Variants in COL4A5 observed in about 807,000 individuals in gnomAD.
COL4A5 encodes the protein collagen type IV alpha 5 chain.
A neutral mutation model predicts 130.2 loss-of-function variants in COL4A5; 26 were observed. The ratio of observed to expected loss-of-function variants is 0.20; its 90% CI spans 0.15 to 0.28. COL4A5 has a LOEUF of 0.28. Ranked by LOEUF, COL4A5 falls within the 10% of genes least tolerant of loss-of-function variation. The probability of loss-of-function intolerance (pLI) is 1.00; values close to 1 mark genes in which losing one functional copy is unlikely to be tolerated. For synonymous variants in COL4A5, 496 were observed against 439.6 expected (o/e 1.13, Z -1.60); for missense variants, 1,131 against 1,344.3 (o/e 0.84, Z 2.48).
chrX:108,582,714 T>C (rs1274446352), intron 16 of COL4A5, 170 bp from the exon 17 acceptor site: 17 of 291,994 alleles, frequency 5.8e-5, no homozygotes, highest in Middle Eastern at 1.6e-3. Context: ...TTTTTTTTTT[T>C]CTGAGAAAAC....
chrX:108,673,769 T>C (rs2068251041), intron 42 of COL4A5, among the ~76,000 whole-genome samples: 1 of 108,699 alleles, frequency 9.2e-6, no homozygotes, highest in South Asian at 4.0e-4. Flanking sequence ...AGGCCAGGCA[T>C]GGTGGCTCAC....
chrX:108,598,645 A>G, intron 24 of COL4A5, 57 bp from the exon 25 acceptor site: 1 of 1,076,974 alleles, frequency 9.3e-7, no homozygotes, highest in Non-Finnish European at 1.3e-6. Flanking sequence ...ATTCAGTACC[A>G]ACCTACAGAT....
chrX:108,554,658 T>G (rs1396555946), intron 2 of COL4A5, among the ~76,000 whole-genome samples: 2 of 111,299 alleles, frequency 1.8e-5, no homozygotes, highest in Non-Finnish European at 3.8e-5. Context: ...CCCAGGAGTT[T>G]GATATCAACC....
chrX:108,534,261 A>G (rs1453172278), intron 1 of COL4A5, among the ~76,000 whole-genome samples: 1 of 111,899 alleles, frequency 8.9e-6, no homozygotes, highest in Non-Finnish European at 1.9e-5. Context: ...AAAGAAATCA[A>G]TATATCAAAG....
intron 7 of COL4A5, 21 bp from the exon 8 acceptor site, chrX:108,571,790 C>T: frequency 8.9e-7 from 1 of 1,127,326 alleles, no homozygotes. Context: ...ATAAAATAAT[C>T]CCTTTTCTTT....
chrX:108,683,324 G>A (rs925252281), intron 47 of COL4A5, among the ~76,000 whole-genome samples: 6 of 111,594 alleles, frequency 5.4e-5, no homozygotes, highest in Non-Finnish European at 7.5e-5. Context: ...GTCAGGTAGC[G>A]TGATGCCTCC....
At chrX:108,677,403 C>A in intron 43 of COL4A5, 97 bp from the exon 44 acceptor site, 2 of 870,445 alleles carry the variant, frequency 2.3e-6, no homozygotes, top group Non-Finnish European at 1.6e-6. Context: ...TTTTATTCTG[C>A]AAACTAATAG....
intron 36 of COL4A5, among the ~76,000 whole-genome samples, chrX:108,645,509 CT>C (rs1206626831): frequency 2.8e-3 from 279 of 100,643 alleles, no homozygotes; most frequent in Middle Eastern, 5.0e-3. Context: ...ACCCTCCCAT[CT>C]TTTTTTTTTT....
chrX:108,583,720 A>AT (rs762243568), intron 17 of COL4A5, among the ~76,000 whole-genome samples: 1 of 111,515 alleles, frequency 9.0e-6, no homozygotes, highest in African/African-American at 3.2e-5. Context: ...CGATAAAATG[A>AT]TTTTTTGTCA....
chrX:108,661,213 T>C (rs2067952585), intron 37 of COL4A5, among the ~76,000 whole-genome samples: 1 of 112,047 alleles, frequency 8.9e-6, no homozygotes, highest in Non-Finnish European at 1.9e-5. Context: ...CACATAACTG[T>C]ATTTCTTCTG....
In COL4A5 at chrX:108,440,180, C is replaced by A; in HGVS notation, c.55C>A (p.Leu19Ile). 1 of 1,206,828 alleles carries A rather than the reference C, an allele frequency of 8.3e-7. No individual in the cohort carries two copies. Among genetic ancestry groups the A allele is most frequent in the Non-Finnish European group, 1.1e-6 (1 of 892,563 alleles). The change falls in exon 1 of 53, where the codon CTT (leucine) becomes ATT (isoleucine). Residue 19 changes from leucine (L) to isoleucine (I), a missense_variant. Leu to Ile is a conservative substitution (Grantham distance 5). Coordinates refer to ENST00000328300, the MANE Select transcript of COL4A5 (RefSeq NM_033380.3). ...AAGLFLLALS[L>I]WGQPAEAAAC... ...CGGCTTGTTCTTACTGGCCCTGAGT[C>A]TTTGGGGGCAGCCTGCAGAGGCTGC...
intron 1 of COL4A5, among the ~76,000 whole-genome samples, chrX:108,468,494 C>T (rs1249079554): frequency 1.1e-4 from 11 of 101,700 alleles, no homozygotes; most frequent in African/African-American, 3.2e-4. Flanking sequence ...GTGGGTTTTT[C>T]GTAAGTGTTT....
At chrX:108,540,536 C>T (rs1481283077) in intron 2 of COL4A5, among the ~76,000 whole-genome samples, 4 of 111,307 alleles carry the variant, frequency 3.6e-5, no homozygotes, top group Admixed American at 1.9e-4. Context: ...CTGCAACCTC[C>T]GCCTCCTGGG....
intron 1 of COL4A5, among the ~76,000 whole-genome samples, chrX:108,456,959 A>T (rs2064590643): frequency 1.8e-5 from 2 of 111,431 alleles, no homozygotes; most frequent in South Asian, 7.6e-4. Flanking sequence ...ATTTTTCCCC[A>T]TGGTAGATTG....
chrX:108,595,623 C>T (rs760529750), intron 22 of COL4A5, 22 bp downstream of exon 22: 1 of 1,172,905 alleles, frequency 8.5e-7, no homozygotes, highest in African/African-American at 1.8e-5. Context: ...CTCAGGGTAA[C>T]CTTCTAAATA....
chrX:108,638,578 G>T (rs1338719872), intron 36 of COL4A5, among the ~76,000 whole-genome samples: 1 of 111,320 alleles, frequency 9.0e-6, no homozygotes, highest in Non-Finnish European at 1.9e-5. Context: ...GACCAATTAG[G>T]CAAGAAAAAG....
At chrX:108,561,887 G>T (rs2147729537) in intron 3 of COL4A5, among the ~76,000 whole-genome samples, 1 of 111,877 alleles carries the variant, frequency 8.9e-6, no homozygotes, top group African/African-American at 3.2e-5. Flanking sequence ...GAAGGGACCT[G>T]TGCTAAATTT....
At chrX:108,462,179 A>G (rs1191296188) in intron 1 of COL4A5, among the ~76,000 whole-genome samples, 1 of 111,152 alleles carries the variant, frequency 9.0e-6, no homozygotes, top group Non-Finnish European at 1.9e-5. Flanking sequence ...GGAGGAAAAA[A>G]GATTTAGAGT....
intron 7 of COL4A5, 148 bp downstream of exon 7, chrX:108,571,614 T>C: frequency 4.9e-6 from 3 of 618,323 alleles, no homozygotes; most frequent in South Asian, 2.6e-5. Context: ...AAGAAGTTGG[T>C]AATATAGCTT....
Sources: allele counts gnomAD v4.1 joint callset (sites outside exome capture counted in the v4.1 genomes callset), GRCh38; gene constraint gnomAD v4.1.1; transcripts MANE v1.5; gene names NCBI Gene and HGNC (gene_info 2026-07-23, HGNC 2026-07-21).